Variants in GDAP1 observed in about 807,000 individuals in gnomAD.
GDAP1 encodes the protein ganglioside induced differentiation associated protein 1.
In GDAP1, 34 loss-of-function variants were observed where a neutral mutation model predicts 40.1. That is an observed-to-expected ratio of 0.85 (90% CI 0.64 to 1.13). The LOEUF is 1.13. Among genes scored for constraint, GDAP1 ranks in the 50% most tolerant of loss-of-function variants. The probability of loss-of-function intolerance (pLI) is 0.00; values close to 1 mark genes in which losing one functional copy is unlikely to be tolerated. For synonymous variants in GDAP1, 170 were observed against 157.4 expected, an observed-to-expected ratio of 1.08 and a Z score of -0.60; for missense variants, 374 against 433.7, an observed-to-expected ratio of 0.86 and a Z score of 1.22.
chr8:74,444,924 G>T (rs1473677049), intron 2 of GDAP1, among the ~76,000 whole-genome samples: 1 of 152,138 alleles, frequency 6.6e-6, no homozygotes, highest in Non-Finnish European at 1.5e-5. Context: ...AGCATAATTT[G>T]CTATTTTTAG....
At chr8:74,463,886 T>A (rs940159855) in intron 2 of GDAP1, among the ~76,000 whole-genome samples, 1 of 152,102 alleles carries the variant, frequency 6.6e-6, no homozygotes, top group African/African-American at 2.4e-5. Flanking sequence ...AATGACTACA[T>A]GATGGCGGGA....
rs956308470 is a variant in GDAP1, at chr8:74,404,569, G to A, written c.165+53248G>A. On this transcript the variant is annotated intron_variant, in intron 2 of 2. Transcript: ENST00000523640. ...AGGTCACATGGCTACTCGGTGTGGA[G>A]TGAAGACTCCAGAAGCAAGTCTGTC... is the stretch of plus-strand genomic sequence containing the variant. Among the ~76,000 whole-genome samples, 3 of 149,820 alleles carry A rather than the reference G, an allele frequency of 2.0e-5. 1 individual carries two copies. Among genetic ancestry groups the A allele is most frequent in the African/African-American group, 7.7e-5 (3 of 39,146 alleles).
chr8:74,412,964 G>A (rs1383782875), intron 2 of GDAP1, among the ~76,000 whole-genome samples: 5 of 146,192 alleles, frequency 3.4e-5, no homozygotes, highest in Admixed American at 3.4e-4. Flanking sequence ...CTACTTGGGA[G>A]GCTGAGGCAG....
intron 2 of GDAP1, among the ~76,000 whole-genome samples, chr8:74,421,879 T>C (rs60537528): frequency 6.6e-5 from 10 of 152,330 alleles, no homozygotes; most frequent in African/African-American, 1.9e-4. Flanking sequence ...CTTTTTTGGA[T>C]ACATATGACT....
intron 2 of GDAP1, among the ~76,000 whole-genome samples, chr8:74,468,475 C>T (rs2131582964): frequency 1.1e-5 from 1 of 91,678 alleles, no homozygotes. Context: ...GTAAATGACC[C>T]CATACACACA....
At chr8:74,474,646 C>T (rs1806602537) in intron 2 of GDAP1, among the ~76,000 whole-genome samples, 1 of 152,140 alleles carries the variant, frequency 6.6e-6, no homozygotes, top group South Asian at 2.1e-4. Context: ...ATAAAGCCTA[C>T]TTGATCATGG....
chr8:74,376,827 A>C (rs1301301638), intron 2 of GDAP1: 1 of 152,186 alleles, frequency 6.6e-6, no homozygotes. Flanking sequence ...ATAGTATTCA[A>C]CTTAGTATGG....
chr8:74,440,396 G>A (rs1276942033), intron 2 of GDAP1, among the ~76,000 whole-genome samples: 1 of 152,070 alleles, frequency 6.6e-6, no homozygotes, highest in Non-Finnish European at 1.5e-5. Context: ...CCTTGCCAGT[G>A]TACATACTTT....
intron 2 of GDAP1, among the ~76,000 whole-genome samples, chr8:74,482,398 A>G (rs1186194047): frequency 2.0e-5 from 3 of 152,082 alleles, no homozygotes; most frequent in Admixed American, 6.6e-5. Context: ...AATTACTAGG[A>G]ATTTGTTTCA....
At chr8:74,416,449 T>C (rs769562992) in intron 2 of GDAP1, among the ~76,000 whole-genome samples, 7 of 150,308 alleles carry the variant, frequency 4.7e-5, no homozygotes, top group Non-Finnish European at 8.8e-5. Context: ...AAACTTTCGC[T>C]GAAGCTGAAC....
intron 2 of GDAP1, among the ~76,000 whole-genome samples, chr8:74,450,615 G>A (rs1806289962): frequency 6.6e-6 from 1 of 151,538 alleles, no homozygotes; most frequent in South Asian, 2.1e-4. Context: ...CAGTTTCCTT[G>A]GCTTAGCATT....
At position 74,399,182 on chromosome 8, in the gene GDAP1, A is replaced by T. The variant is rs149022844; in HGVS notation, c.165+47861A>T. ...CGGCTGTCAATCCATCTGGTCCTGG[A>T]CTCTTTTTGGTTGGTAAGCTATTGA... is the stretch of plus-strand genomic sequence containing the variant. On this transcript the variant is annotated intron_variant, in intron 2 of 2. Transcript: ENST00000523640. Among the ~76,000 whole-genome samples the T allele has an allele frequency of 7.6e-3, 1,144 of 151,080 alleles. 12 individuals carry two copies. The highest frequency in any genetic ancestry group is 0.011 in the Non-Finnish European group (747 of 67,850).
rs762978513 is a variant in GDAP1 at position 74,365,410 on chromosome 8, G to C, written c.*1043G>C. On this transcript the variant is annotated 3_prime_UTR_variant, in exon 6 of 6. Coordinates refer to ENST00000220822, the MANE Select transcript of GDAP1 (RefSeq NM_018972.4). ...CACTGATGTATGTTTAAGGGATTTG[G>C]GGGGGATACCTCAGTTCATGTGGAA... 1.1e-4 allele frequency: 48 copies of C among 453,680 alleles called. No homozygotes were observed. The highest frequency in any genetic ancestry group is 7.3e-4 in the South Asian group (47 of 64,444). The allele number at this position is 453,680 out of a possible 1,614,324, so 28.1% of individuals were successfully genotyped here.
chr8:74,463,909 A>C (rs1283993115), intron 2 of GDAP1, among the ~76,000 whole-genome samples: 1 of 148,968 alleles, frequency 6.7e-6, no homozygotes, highest in Non-Finnish European at 1.5e-5. Context: ...TATTTAGTAG[A>C]GGCCAAATTA....
chr8:74,385,192 T>C (rs975290511), intron 2 of GDAP1, among the ~76,000 whole-genome samples: 10 of 152,132 alleles, frequency 6.6e-5, no homozygotes, highest in Non-Finnish European at 1.5e-4. Context: ...ATTATTATTA[T>C]TATAGTTTAA....
At chr8:74,450,342 T>A (rs1198066996) in intron 2 of GDAP1, among the ~76,000 whole-genome samples, 1 of 151,860 alleles carries the variant, frequency 6.6e-6, no homozygotes, top group Non-Finnish European at 1.5e-5. Context: ...GTTCTATAAA[T>A]GTTAGATAAA....
At chr8:74,477,077 C>G (rs1806639042) in intron 2 of GDAP1, among the ~76,000 whole-genome samples, 1 of 152,172 alleles carries the variant, frequency 6.6e-6, no homozygotes, top group Non-Finnish European at 1.5e-5. Flanking sequence ...GTCTATCATT[C>G]TGTTAATACT....
intron 2 of GDAP1, among the ~76,000 whole-genome samples, chr8:74,390,258 G>A (rs1810087298): frequency 6.6e-6 from 1 of 152,136 alleles, no homozygotes; most frequent in South Asian, 2.1e-4. Flanking sequence ...GAGGAGTAGA[G>A]GCATTCTGGT....
At position 74,445,701 on chromosome 8, in the gene GDAP1, A is replaced by G. The variant is rs183501301; in HGVS notation, c.166-42977A>G. On this transcript the variant is annotated intron_variant, in intron 2 of 2. Coordinates refer to the GDAP1 transcript ENST00000523640. ...AACTTTATCATTCCAGACAATAGAA[A>G]GTTGCCTTTTTATATTTACTTGTTC... 2.3e-4 allele frequency among the ~76,000 whole-genome samples: 35 copies of G among 152,328 alleles called. No individual in the cohort carries two copies. In the East Asian group the frequency reaches 6.6e-3, roughly 29 times the overall value.
Sources: gnomAD v4.1 joint callset for allele counts (sites outside exome capture counted in the v4.1 genomes callset) on GRCh38, gnomAD v4.1.1 for gene constraint, MANE v1.5 for transcripts, NCBI Gene and HGNC (gene_info 2026-07-23, HGNC 2026-07-21) for gene names.